The following CEP112 variants were observed in gnomAD, a reference collection of about 807,000 sequenced individuals.
The protein encoded by CEP112 is centrosomal protein 112.
CEP112 carries 127 observed loss-of-function variants against 153.0 expected under a neutral mutation model. That is an observed-to-expected ratio of 0.83 (90% CI 0.72 to 0.96). CEP112 has a LOEUF of 0.96. Among genes scored for constraint, CEP112 ranks in the 40% least tolerant of loss-of-function variants. CEP112 has a pLI of 0.00. For missense variants in CEP112, 1,089 were observed against 1,101.2 expected (o/e 0.99, Z 0.16); for synonymous variants, 358 against 374.4 (o/e 0.96, Z 0.51).
chr17:65,995,573 T>C (rs35868658), intron 17 of CEP112, among the ~76,000 whole-genome samples: 62,338 of 152,160 alleles, frequency 0.41, 14,273 homozygotes, highest in East Asian at 0.87. Context: ...CACCCAGCAC[T>C]TCCCTCAGTG....
At chr17:65,945,738 C>T (rs2061630113) in intron 18 of CEP112, among the ~76,000 whole-genome samples, 2 of 151,974 alleles carry the variant, frequency 1.3e-5, no homozygotes, top group Non-Finnish European at 2.9e-5. Flanking sequence ...CCTCTGCCTC[C>T]CAGGTTCAAG....
intron 17 of CEP112, among the ~76,000 whole-genome samples, chr17:65,993,081 C>G (rs1280306342): frequency 6.6e-6 from 1 of 152,124 alleles, no homozygotes; most frequent in Non-Finnish European, 1.5e-5. Context: ...TTTCCTAATG[C>G]TCTCTCTCCC....
intron 21 of CEP112, among the ~76,000 whole-genome samples, chr17:65,793,104 C>G (rs1348553598): frequency 6.6e-6 from 1 of 152,082 alleles, no homozygotes; most frequent in Non-Finnish European, 1.5e-5. Context: ...AACGGAGTAA[C>G]AGAGGGATGC....
chr17:66,083,576 C>T lies in CEP112; in HGVS notation c.768+12675G>A, dbSNP rs575235932. 9.2e-5 allele frequency among the ~76,000 whole-genome samples: 14 copies of T among 152,252 alleles called. No homozygotes were observed. In the South Asian group the frequency reaches 2.1e-3, roughly 23 times the overall value. On this transcript the variant is annotated intron_variant, in intron 8 of 26. Transcript: ENST00000535342. ...AAGAACTGACTAATGAGGTCAGGCG[C>T]GGTGGCTCACGCCTGTAATTCTAGC...
intron 22 of CEP112, among the ~76,000 whole-genome samples, chr17:65,743,858 T>C (rs1038463739): frequency 6.6e-6 from 1 of 151,922 alleles, no homozygotes; most frequent in Non-Finnish European, 1.5e-5. Flanking sequence ...ACTTCCTGGG[T>C]TCAAGTGATT....
chr17:65,799,308 G>A (rs1012012462), intron 21 of CEP112, among the ~76,000 whole-genome samples: 1 of 152,160 alleles, frequency 6.6e-6, no homozygotes, highest in Non-Finnish European at 1.5e-5. Context: ...GCTGGGATAC[G>A]GAGCTGGGAA....
intron 21 of CEP112, among the ~76,000 whole-genome samples, chr17:65,768,849 A>C (rs2053166141): frequency 6.6e-6 from 1 of 152,128 alleles, no homozygotes; most frequent in Admixed American, 6.6e-5. Flanking sequence ...GAGAAACTGA[A>C]AGCTTTTTCT....
At chr17:66,140,937 G>T (rs551274280) in intron 4 of CEP112, among the ~76,000 whole-genome samples, 12 of 152,052 alleles carry the variant, frequency 7.9e-5, no homozygotes, top group African/African-American at 2.7e-4. Flanking sequence ...GTGAGCCACC[G>T]TGCCCAGCCT....
intron 20 of CEP112, among the ~76,000 whole-genome samples, chr17:65,888,045 C>A (rs2059344795): frequency 6.6e-6 from 1 of 152,160 alleles, no homozygotes; most frequent in Non-Finnish European, 1.5e-5. Context: ...AAAACTCCCC[C>A]AGGGCATCCC....
At chr17:66,035,006 ATATTT>A (rs2065668869) in intron 12 of CEP112, among the ~76,000 whole-genome samples, 8 of 83,716 alleles carry the variant, frequency 9.6e-5, no homozygotes, top group Admixed American at 1.8e-4. Context: ...ATATATATAT[ATATTT>A]TTTTTTTTAG....
chr17:65,927,398 T>C (rs1194377716), intron 19 of CEP112, among the ~76,000 whole-genome samples, 184 bp downstream of exon 19: 2 of 152,210 alleles, frequency 1.3e-5, no homozygotes, highest in African/African-American at 2.4e-5. Context: ...CAGAATAAAC[T>C]TCAGTGGAGT....
At chr17:65,981,940 C>T (rs968202715) in intron 17 of CEP112, among the ~76,000 whole-genome samples, 1 of 152,110 alleles carries the variant, frequency 6.6e-6, no homozygotes, top group African/African-American at 2.4e-5. Context: ...TGAGCTGCTA[C>T]AGGAAAAGAT....
intron 21 of CEP112, among the ~76,000 whole-genome samples, chr17:65,841,357 T>A (rs760356193): frequency 6.6e-6 from 1 of 151,926 alleles, no homozygotes; most frequent in Non-Finnish European, 1.5e-5. Flanking sequence ...GCAACATGGA[T>A]AGAATTAGAT....
intron 4 of CEP112, among the ~76,000 whole-genome samples, chr17:66,148,155 G>A (rs1003249635): frequency 2.0e-5 from 3 of 152,102 alleles, no homozygotes; most frequent in Non-Finnish European, 4.4e-5. Flanking sequence ...CTTCTTACAT[G>A]GAGGCAGCAA....
chr17:66,055,911 T>G (rs12450727), intron 11 of CEP112, among the ~76,000 whole-genome samples: 62,510 of 152,048 alleles, frequency 0.41, 14,321 homozygotes, highest in East Asian at 0.87. Flanking sequence ...ATTTTATTAG[T>G]ACCTGCTATG....
intron 21 of CEP112, among the ~76,000 whole-genome samples, chr17:65,791,046 G>GA (rs1210754966): frequency 1.3e-5 from 2 of 150,782 alleles, no homozygotes; most frequent in Admixed American, 1.3e-4. Context: ...GAATGGGGGG[G>GA]AGGCTTAATC....
intron 24 of CEP112, among the ~76,000 whole-genome samples, chr17:65,683,908 G>T (rs183369125): frequency 6.6e-6 from 1 of 152,154 alleles, no homozygotes; most frequent in African/African-American, 2.4e-5. Flanking sequence ...AGGCATGGTG[G>T]TGGGCGTCTG....
chr17:66,063,067 G>C lies in CEP112; in HGVS notation c.970C>G (p.Arg324Gly). ...KLEKKVQTLI[R>G]DCQVIRETKE... is the part of the protein sequence containing the mutation. ...GTCTCTCTGATAACTTGACAGTCAC[G>C]TATCAGTGTCTGAACTGTCAAAAAT... is the stretch of plus-strand genomic sequence containing the variant. Residue 324 changes from arginine (R) to glycine (G), a missense_variant, in exon 11 of 27, where the codon CGT becomes GGT. Transcript: ENST00000535342. 1 of 1,573,026 alleles carries C rather than the reference G, an allele frequency of 6.4e-7. No individual in the cohort carries two copies. Among genetic ancestry groups the C allele is most frequent in the Non-Finnish European group, 8.6e-7 (1 of 1,159,770 alleles).
At chr17:65,702,902 C>T (rs1364836406) in intron 23 of CEP112, among the ~76,000 whole-genome samples, 2 of 152,246 alleles carry the variant, frequency 1.3e-5, no homozygotes, top group African/African-American at 2.4e-5. Context: ...GGGAAAAACT[C>T]GCCCCCATGA....
Sources: allele counts gnomAD v4.1 joint callset (sites outside exome capture counted in the v4.1 genomes callset), GRCh38; gene constraint gnomAD v4.1.1; transcripts MANE v1.5; gene names NCBI Gene and HGNC (gene_info 2026-07-23, HGNC 2026-07-21).